Variants in PATL1 observed in about 807,000 individuals in gnomAD.
The protein encoded by PATL1 is protein PAT1 homolog 1.
In PATL1, 32 loss-of-function variants were observed where a neutral mutation model predicts 100.6. The observed-to-expected ratio is 0.32, with a 90% CI of 0.24 to 0.43. The LOEUF (loss-of-function observed/expected upper bound fraction) is 0.43. Among genes scored for constraint, PATL1 ranks in the 20% least tolerant of loss-of-function variants. PATL1 has a pLI of 1.00. For missense variants in PATL1, 747 were observed against 949.9 expected (o/e 0.79, Z 2.81); for synonymous variants, 332 against 330.0 (o/e 1.01, Z -0.07).
intron 10 of PATL1, 78 bp downstream of exon 10, chr11:59,652,760 G>A (rs1225443148): frequency 2.0e-6 from 3 of 1,502,118 alleles, no homozygotes. Context: ...ATATTTAATT[G>A]TACCAATATT....
chr11:59,653,890 T>A, intron 9 of PATL1, 93 bp downstream of exon 9: 5 of 1,138,726 alleles, frequency 4.4e-6, no homozygotes, highest in Non-Finnish European at 5.2e-6. Context: ...GTAAACTTAC[T>A]AAAAAAAACA....
At chr11:59,652,775 T>G (rs1376309905) in intron 10 of PATL1, 63 bp downstream of exon 10, 1 of 1,539,684 alleles carries the variant, frequency 6.5e-7, no homozygotes, top group South Asian at 1.2e-5. Flanking sequence ...AATATTTAAA[T>G]GAATACCCTC....
intron 9 of PATL1, among the ~76,000 whole-genome samples, chr11:59,653,702 G>C (rs3758872): frequency 0.11 from 16,759 of 152,136 alleles, 1,144 homozygotes; most frequent in East Asian, 0.18. Context: ...TATCCTCCCT[G>C]AAATGTTTTT....
At chr11:59,667,032 A>C in intron 1 of PATL1, 68 bp from the exon 2 acceptor site, 1 of 1,500,634 alleles carries the variant, frequency 6.7e-7, no homozygotes. Context: ...TGTTCTAAAA[A>C]TGTTCATCTT....
chr11:59,650,612 A>G, intron 13 of PATL1, 142 bp downstream of exon 13: 1 of 600,582 alleles, frequency 1.7e-6, no homozygotes, highest in South Asian at 2.3e-5. Context: ...TATGTGGTAC[A>G]CAATAGTCAC....
intron 5 of PATL1, 70 bp from the exon 6 acceptor site, chr11:59,656,670 C>A: frequency 1.5e-6 from 2 of 1,324,312 alleles, no homozygotes; most frequent in East Asian, 4.8e-5. Context: ...ACTCCCTCCC[C>A]TCAAGTACTG....
intron 8 of PATL1, among the ~76,000 whole-genome samples, 154 bp from the exon 9 acceptor site, chr11:59,654,226 T>C (rs12278859): frequency 0.17 from 26,590 of 152,066 alleles, 4,303 homozygotes; most frequent in African/African-American, 0.43. Context: ...CCTGTAATCC[T>C]AGCACTTTGG....
intron 6 of PATL1, among the ~76,000 whole-genome samples, 165 bp downstream of exon 6, chr11:59,656,334 G>A (rs1374298204): frequency 6.6e-6 from 1 of 152,154 alleles, no homozygotes; most frequent in Non-Finnish European, 1.5e-5. Context: ...AGAAACAACT[G>A]TCCTCTGACC....
At chr11:59,666,345 AC>A (rs1861690208) in intron 2 of PATL1, among the ~76,000 whole-genome samples, 1 of 152,090 alleles carries the variant, frequency 6.6e-6, no homozygotes, top group Admixed American at 6.6e-5. Context: ...TCCTTTCTTG[AC>A]CCCCAAAATT....
At chr11:59,647,956 T>C (rs1169084697) in intron 14 of PATL1, 43 bp from the exon 15 acceptor site, 3 of 1,542,292 alleles carry the variant, frequency 1.9e-6, no homozygotes, top group East Asian at 4.5e-5. Flanking sequence ...CAAGAACAAT[T>C]AAGAAACCCT....
At chr11:59,659,021 A>C in intron 3 of PATL1, 75 bp from the exon 4 acceptor site, 1 of 1,300,250 alleles carries the variant, frequency 7.7e-7, no homozygotes, top group Non-Finnish European at 1.1e-6. Flanking sequence ...GCTGGGGAAC[A>C]AGGTTCCAAA....
Position 59,638,196 on chromosome 11 carries a change from C to A in PATL1, c.*194G>T. 1 of 608,542 alleles carries A rather than the reference C, an allele frequency of 1.6e-6. No homozygotes were observed. Among genetic ancestry groups the A allele is most frequent in the South Asian group, 2.0e-5 (1 of 49,078 alleles). The allele number at this position is 608,542 out of a possible 1,614,324, so 37.7% of individuals were successfully genotyped here. ...GTAAAGAAACCAGCAGAAGTATCAC[C>A]CAGCCAAATTTCATAGAGCAGTGGG... On this transcript the variant is annotated 3_prime_UTR_variant, in exon 19 of 19. Transcript: ENST00000300146.
At chr11:59,668,829 G>A (rs918613218) in intron 1 of PATL1, 52 bp downstream of exon 1, 6 of 1,157,938 alleles carry the variant, frequency 5.2e-6, no homozygotes, top group East Asian at 6.3e-5. Context: ...AGAGAGTGAG[G>A]GAGAGGGGCG....
At chr11:59,653,166 T>A in intron 9 of PATL1, 148 bp from the exon 10 acceptor site, 1 of 663,182 alleles carries the variant, frequency 1.5e-6, no homozygotes, top group Non-Finnish European at 2.5e-6. Context: ...AACTAAGTCT[T>A]AATAGAATTT....
intron 2 of PATL1, among the ~76,000 whole-genome samples, chr11:59,661,061 G>A (rs1861618371): frequency 1.3e-5 from 2 of 152,050 alleles, no homozygotes; most frequent in South Asian, 4.2e-4. Context: ...CATGAAAGCT[G>A]TACTCACAGT....
chr11:59,649,556 G>T lies in PATL1; in HGVS notation c.1639C>A (p.Leu547Met), dbSNP rs1055473802. Residue 547 changes from leucine (L) to methionine (M), a missense_variant, in exon 14 of 19, where the codon CTG becomes ATG. Transcript: ENST00000300146. ...EDYERRYLLS[L>M]EEERPALMDD... ...ATTAGGGCAGGTCGCTCTTCTTCCA[G>T]ACTTAGGAGATAACGTCTTTCATAG... 6.2e-7 allele frequency: 1 copy of T among 1,613,498 alleles called. No individual in the cohort carries two copies. The highest frequency in any genetic ancestry group is 1.3e-5 in the African/African-American group (1 of 74,894).
At chr11:59,668,801 C>G (rs1184171401) in intron 1 of PATL1, 80 bp downstream of exon 1, 6 of 735,302 alleles carry the variant, frequency 8.2e-6, no homozygotes, top group Middle Eastern at 6.3e-4. Flanking sequence ...CGCAGGAACA[C>G]AGGACCGGCG....
intron 1 of PATL1, 33 bp downstream of exon 1, chr11:59,668,848 A>C: frequency 2.5e-6 from 2 of 815,950 alleles, no homozygotes; most frequent in Non-Finnish European, 3.6e-6. Context: ...CGCGGGAGGG[A>C]GGGAGGGGTC....
At position 59,637,726 on chromosome 11, in the gene PATL1, G is replaced by A. The variant is rs1182179657; in HGVS notation, c.*664C>T. The A allele has an allele frequency of 2.0e-5, 3 of 152,262 alleles. No homozygotes were observed. The highest frequency in any genetic ancestry group is 4.8e-5 in the African/African-American group (2 of 41,450). The allele number at this position is 152,262 out of a possible 1,614,324, so 9.4% of individuals were successfully genotyped here. Reference sequence around the variant, plus strand: ...ATTAAGAGTTCTGATTTTATTAAACGTGCTGCATACTCTTTATTTATGTTA... The same window carrying A: ...ATTAAGAGTTCTGATTTTATTAAACATGCTGCATACTCTTTATTTATGTTA... On this transcript the variant is annotated 3_prime_UTR_variant, in exon 19 of 19. Coordinates refer to ENST00000300146, the MANE Select transcript of PATL1 (RefSeq NM_152716.3).
Sources: gnomAD v4.1 joint callset for allele counts (sites outside exome capture counted in the v4.1 genomes callset) on GRCh38, gnomAD v4.1.1 for gene constraint, MANE v1.5 for transcripts, NCBI Gene and HGNC (gene_info 2026-07-23, HGNC 2026-07-21) for gene names.